The following SCHIP1 variants were observed in gnomAD, a reference collection of about 807,000 sequenced individuals.
SCHIP1 encodes schwannomin-interacting protein 1.
In SCHIP1, 8 loss-of-function variants were observed where a neutral mutation model predicts 29.7. That is an observed-to-expected ratio of 0.27 (90% confidence interval 0.16 to 0.49). SCHIP1 has a LOEUF of 0.49. SCHIP1 is among the 20% of genes least tolerant of loss of function. The pLI, the probability that SCHIP1 is intolerant of heterozygous loss-of-function variation, is 0.99. For synonymous variants in SCHIP1, 76 were observed against 94.9 expected (o/e 0.80, Z 1.16); for missense variants, 193 against 294.6 (o/e 0.66, Z 2.52).
the SCHIP1 span, among the ~76,000 whole-genome samples, chr3:159,661,701 T>A: frequency 6.6e-6 from 1 of 152,126 alleles, no homozygotes; most frequent in Non-Finnish European, 1.5e-5. Flanking sequence ...CAGGGCACCC[T>A]CTTGTAGCCT....
At chr3:159,470,320 G>T in the SCHIP1 span, among the ~76,000 whole-genome samples, 1 of 152,078 alleles carries the variant, frequency 6.6e-6, no homozygotes, top group Non-Finnish European at 1.5e-5. Context: ...ACATGGAGAA[G>T]AAGAGAGACG....
chr3:159,390,212 TG>T, the SCHIP1 span, among the ~76,000 whole-genome samples: 1 of 152,104 alleles, frequency 6.6e-6, no homozygotes, highest in Non-Finnish European at 1.5e-5. Flanking sequence ...ATAGGACTTT[TG>T]TGAAAGTTAT....
the SCHIP1 span, among the ~76,000 whole-genome samples, chr3:159,635,282 A>G: frequency 6.6e-6 from 1 of 152,210 alleles, no homozygotes; most frequent in Non-Finnish European, 1.5e-5. Flanking sequence ...GCTCCTAGCC[A>G]GCACAAGCCT....
the SCHIP1 span, among the ~76,000 whole-genome samples, chr3:159,441,442 G>C: frequency 6.6e-6 from 1 of 152,074 alleles, no homozygotes; most frequent in Non-Finnish European, 1.5e-5. Context: ...GAGAGCTAAA[G>C]TAATTTGCAC....
the SCHIP1 span, among the ~76,000 whole-genome samples, chr3:159,276,189 A>C: frequency 6.6e-6 from 1 of 152,220 alleles, no homozygotes; most frequent in African/African-American, 2.4e-5. Flanking sequence ...CTGTTGCATC[A>C]GTCTCCATCA....
chr3:159,888,587 C>T (rs901942911), intron 4 of SCHIP1: 14 of 420,288 alleles, frequency 3.3e-5, no homozygotes, highest in Middle Eastern at 5.9e-4. Flanking sequence ...ATATTAAAGA[C>T]GAGTCAAAAA....
the SCHIP1 span, among the ~76,000 whole-genome samples, chr3:159,429,936 T>C: frequency 6.6e-6 from 1 of 152,194 alleles, no homozygotes; most frequent in South Asian, 2.1e-4. Flanking sequence ...TGATAGCTCC[T>C]GAGGAAGCTG....
chr3:159,476,478 G>T, the SCHIP1 span, among the ~76,000 whole-genome samples: 4 of 152,100 alleles, frequency 2.6e-5, 1 homozygote, highest in Middle Eastern at 9.5e-3. Context: ...GGTTGAAGAA[G>T]TTCAAAATAT....
At chr3:159,701,273 G>A in the SCHIP1 span, among the ~76,000 whole-genome samples, 1 of 151,882 alleles carries the variant, frequency 6.6e-6, no homozygotes, top group Non-Finnish European at 1.5e-5. Context: ...CCTTTTTTAT[G>A]GTTAATAAAC....
chr3:159,709,850 T>C, the SCHIP1 span, among the ~76,000 whole-genome samples: 1 of 152,214 alleles, frequency 6.6e-6, no homozygotes, highest in Non-Finnish European at 1.5e-5. Context: ...TCCATCTTGT[T>C]ACAAGAAGAT....
At chr3:159,468,956 C>T in the SCHIP1 span, among the ~76,000 whole-genome samples, 2 of 151,536 alleles carry the variant, frequency 1.3e-5, no homozygotes, top group African/African-American at 2.4e-5. Flanking sequence ...TTAGTAAAGA[C>T]GGGGTTTCAC....
At chr3:159,288,061 T>C in the SCHIP1 span, among the ~76,000 whole-genome samples, 4 of 152,150 alleles carry the variant, frequency 2.6e-5, no homozygotes, top group Admixed American at 1.3e-4. Context: ...GCATATGGTG[T>C]CCGATTTGAT....
At chr3:159,342,735 AT>A in the SCHIP1 span, among the ~76,000 whole-genome samples, 1 of 152,208 alleles carries the variant, frequency 6.6e-6, no homozygotes, top group African/African-American at 2.4e-5. Context: ...TGTTTATTTT[AT>A]TTTAGAATGC....
At chr3:159,713,866 A>C in the SCHIP1 span, among the ~76,000 whole-genome samples, 1 of 152,218 alleles carries the variant, frequency 6.6e-6, no homozygotes, top group East Asian at 1.9e-4. Context: ...AACAAATACA[A>C]TGTTCTGTAT....
At chr3:159,507,477 G>C in the SCHIP1 span, among the ~76,000 whole-genome samples, 1 of 152,066 alleles carries the variant, frequency 6.6e-6, no homozygotes. Context: ...CTGCCTGATT[G>C]CCCTGGCCAG....
chr3:159,734,133 TA>T, the SCHIP1 span, among the ~76,000 whole-genome samples: 3 of 147,494 alleles, frequency 2.0e-5, no homozygotes, highest in African/African-American at 7.6e-5. Context: ...TATTATTGTT[TA>T]CTTTTTTTTT....
At chr3:159,662,961 G>C in the SCHIP1 span, among the ~76,000 whole-genome samples, 1 of 152,224 alleles carries the variant, frequency 6.6e-6, no homozygotes, top group Non-Finnish European at 1.5e-5. Flanking sequence ...TGTAGCAACA[G>C]TGGGTATCCT....
chr3:159,765,687 G>T, the SCHIP1 span: 1 of 152,378 alleles, frequency 6.6e-6, no homozygotes, highest in Non-Finnish European at 1.5e-5. Context: ...TATTTGAATG[G>T]GTTGATTTTC....
At chr3:159,342,729 T>A in the SCHIP1 span, among the ~76,000 whole-genome samples, 4,007 of 152,306 alleles carry the variant, frequency 0.026, 171 homozygotes, top group African/African-American at 0.091. Flanking sequence ...CTATATTGTT[T>A]ATTTTATTTT....
Sources: gnomAD v4.1 joint callset for allele counts (sites outside exome capture counted in the v4.1 genomes callset) on GRCh38, gnomAD v4.1.1 for gene constraint, MANE v1.5 for transcripts, NCBI Gene and HGNC (gene_info 2026-07-23, HGNC 2026-07-21) for gene names.